The following SNX9 variants were observed in gnomAD, a reference collection of about 807,000 sequenced individuals.
The protein encoded by SNX9 is sorting nexin-9.
In SNX9, 44 loss-of-function variants were observed where a neutral mutation model predicts 89.4. The ratio of observed to expected loss-of-function variants is 0.49; its 90% CI spans 0.39 to 0.63. SNX9 has a LOEUF of 0.63. Among genes scored for constraint, SNX9 ranks in the 30% least tolerant of loss-of-function variants. The probability of loss-of-function intolerance (pLI) is 0.00; values close to 1 mark genes in which losing one functional copy is unlikely to be tolerated. For synonymous variants in SNX9, 236 were observed against 247.8 expected (o/e 0.95, Z 0.45); for missense variants, 578 against 736.1 (o/e 0.79, Z 2.49).
chr6:157,826,833 T>TATATATTATATTTTATATATAA lies in SNX9; in HGVS notation c.12+3393_12+3394insTATATTTTATATATAAATATAT, dbSNP rs1562585931. Reference sequence around the variant, plus strand: ...ATATATAAATATATATTATATTTTATATATATATTATATTTTATATATAAA... The same window carrying TATATATTATATTTTATATATAA: ...ATATATAAATATATATTATATTTTATATATATTATATTTTATATATAAATATATATTATATTTTATATATAAA... On this transcript the variant is annotated intron_variant, in intron 1 of 17. Transcript: ENST00000392185. Among the ~76,000 whole-genome samples, 140 of 111,486 alleles carry TATATATTATATTTTATATATAA rather than the reference T, an allele frequency of 1.3e-3. 32 individuals carry two copies. The highest frequency in any genetic ancestry group is 5.9e-3 in the African/African-American group (124 of 21,058). 73.1% of individuals were successfully genotyped at this position (111,486 alleles called of 152,430 possible). A position where few individuals can be genotyped will look rare whatever the true frequency, so the allele number is the denominator to read the frequency against.
chr6:157,936,311 A>G (rs1287656374), intron 14 of SNX9, among the ~76,000 whole-genome samples: 1 of 152,176 alleles, frequency 6.6e-6, no homozygotes, highest in Non-Finnish European at 1.5e-5. Context: ...GAATCTCTTG[A>G]GTCCAGGAGT....
At chr6:157,900,597 G>A (rs1783076805) in intron 5 of SNX9, among the ~76,000 whole-genome samples, 1 of 152,164 alleles carries the variant, frequency 6.6e-6, no homozygotes, top group African/African-American at 2.4e-5. Context: ...AGTTTAGTGA[G>A]GGCGGGGGTA....
At chr6:157,873,064 ATCTTTT>A (rs1782446774) in intron 2 of SNX9, 32 bp from the exon 3 acceptor site, 2 of 1,470,732 alleles carry the variant, frequency 1.4e-6, no homozygotes, top group Non-Finnish European at 1.8e-6. Context: ...CTCAACTGTA[ATCTTTT>A]TCTTTTTTTT....
chr6:157,882,337 C>A (rs573526413), intron 4 of SNX9, among the ~76,000 whole-genome samples: 2 of 152,194 alleles, frequency 1.3e-5, no homozygotes, highest in African/African-American at 2.4e-5. Context: ...ATTGACAATG[C>A]CCCTGGTCAC....
chr6:157,876,605 A>G (rs1042729941), intron 4 of SNX9, among the ~76,000 whole-genome samples: 5 of 152,242 alleles, frequency 3.3e-5, no homozygotes, highest in African/African-American at 1.2e-4. Flanking sequence ...AAGGTGATTG[A>G]TCACTGTAAT....
chr6:157,869,206 G>A (rs1034536584), intron 2 of SNX9, among the ~76,000 whole-genome samples: 4 of 152,146 alleles, frequency 2.6e-5, no homozygotes, highest in African/African-American at 4.8e-5. Context: ...TCTGCCTCAC[G>A]AGTGTTGGGG....
intron 1 of SNX9, among the ~76,000 whole-genome samples, chr6:157,862,183 T>C (rs999516751): frequency 1.3e-5 from 2 of 152,246 alleles, no homozygotes; most frequent in African/African-American, 4.8e-5. Flanking sequence ...GGACTACTTA[T>C]ATTGAAAAGC....
intron 9 of SNX9, among the ~76,000 whole-genome samples, chr6:157,918,206 T>C (rs954777987): frequency 2.0e-5 from 3 of 152,180 alleles, no homozygotes; most frequent in Non-Finnish European, 4.4e-5. Flanking sequence ...GTATCGGGTA[T>C]TGAAATTTAA....
At chr6:157,906,473 A>G (rs1783218324) in intron 7 of SNX9, among the ~76,000 whole-genome samples, 1 of 152,116 alleles carries the variant, frequency 6.6e-6, no homozygotes, top group Non-Finnish European at 1.5e-5. Context: ...TTTTTTCTAA[A>G]GTGTCTTGAA....
chr6:157,909,219 T>C (rs1783283441), intron 7 of SNX9, among the ~76,000 whole-genome samples: 1 of 152,204 alleles, frequency 6.6e-6, no homozygotes, highest in Non-Finnish European at 1.5e-5. Flanking sequence ...GTACAGTACA[T>C]GAGAATATTT....
At chr6:157,852,774 A>T (rs973198137) in intron 1 of SNX9, among the ~76,000 whole-genome samples, 1 of 152,102 alleles carries the variant, frequency 6.6e-6, no homozygotes, top group Non-Finnish European at 1.5e-5. Flanking sequence ...GGGTCTCTCC[A>T]CGGTGCCCTG....
chr6:157,855,120 A>T (rs143542981), intron 1 of SNX9, among the ~76,000 whole-genome samples: 353 of 152,254 alleles, frequency 2.3e-3, no homozygotes, highest in Non-Finnish European at 4.0e-3. Flanking sequence ...AAGCAAATGC[A>T]TGTACTGCAT....
At position 157,823,700 on chromosome 6, in the gene SNX9, G is replaced by C. The variant is rs563047834; in HGVS notation, c.12+254G>C. ...GTCTGGGCGCGGGTTGGGACCCCGG[G>C]CGCAGCGAGGTTTGGGAAGTTTGCA... On this transcript the variant is annotated intron_variant, in intron 1 of 17. Coordinates refer to ENST00000392185, the MANE Select transcript of SNX9 (RefSeq NM_016224.5). This position sits in a 1 kb window ranked among gnomAD's most constrained non-coding sequence, Gnocchi z 4.6. Among the ~76,000 whole-genome samples the C allele has an allele frequency of 6.6e-6, 1 of 151,968 alleles. No individual in the cohort carries two copies. Among genetic ancestry groups the C allele is most frequent in the Non-Finnish European group, 1.5e-5 (1 of 67,958 alleles).
chr6:157,926,195 T>A (rs1192484026), intron 10 of SNX9, among the ~76,000 whole-genome samples: 2 of 152,184 alleles, frequency 1.3e-5, no homozygotes, highest in African/African-American at 4.8e-5. Flanking sequence ...AGAGAGAGAT[T>A]ACCGGTTACC....
At chr6:157,882,735 C>T (rs1473797755) in intron 4 of SNX9, among the ~76,000 whole-genome samples, 4 of 152,216 alleles carry the variant, frequency 2.6e-5, no homozygotes, top group Non-Finnish European at 5.9e-5. Flanking sequence ...GAAGATGTGA[C>T]TGAATTTCTT....
rs1313492279 is a variant in SNX9, at chr6:157,860,478, A to G, written c.13-7069A>G. Among the ~76,000 whole-genome samples, 3 of 152,262 alleles carry G rather than the reference A, an allele frequency of 2.0e-5. No homozygotes were observed. In the East Asian group the frequency reaches 5.8e-4, roughly 29 times the overall value. On this transcript the variant is annotated intron_variant, in intron 1 of 17. Transcript: ENST00000392185. ...TTATGAAGTAAGGCACAGCACAGGC[A>G]GTCACACGTAGGTTTCAGAAGTATC...
rs9365617 is a variant in SNX9, at chr6:157,943,950, C to G, written c.*1112C>G. The G allele has an allele frequency of 0.046, 7,062 of 152,246 alleles. 204 individuals are homozygous for G. Among genetic ancestry groups the G allele is most frequent in the East Asian group, 0.12 (605 of 5,158 alleles). 9.4% of individuals were successfully genotyped at this position (152,246 alleles called of 1,614,324 possible). ...GAAGGGCTGCAGCCTCAGCAGTGTACAGAGTCCCCGGCGCTCTGAGGTTGG... is the reference window on the plus strand; with the variant it reads ...GAAGGGCTGCAGCCTCAGCAGTGTAGAGAGTCCCCGGCGCTCTGAGGTTGG... On this transcript the variant is annotated 3_prime_UTR_variant, in exon 18 of 18. Transcript: ENST00000392185.
At chr6:157,847,824 ACAG>A (rs956743334) in intron 1 of SNX9, among the ~76,000 whole-genome samples, 3 of 152,216 alleles carry the variant, frequency 2.0e-5, no homozygotes, top group Non-Finnish European at 2.9e-5. Flanking sequence ...TTGCACAAAA[ACAG>A]CAGCAGGGAA....
intron 1 of SNX9, among the ~76,000 whole-genome samples, chr6:157,828,955 C>T (rs539221809): frequency 2.9e-3 from 437 of 152,208 alleles, no homozygotes; most frequent in Admixed American, 7.2e-3. Flanking sequence ...TTTGTGATCA[C>T]TTTTGTATCT....
Sources: gnomAD v4.1 joint callset for allele counts (sites outside exome capture counted in the v4.1 genomes callset) on GRCh38, gnomAD v4.1.1 for gene constraint, Gnocchi (gnomAD v3.1) non-coding constraint, MANE v1.5 for transcripts, NCBI Gene and HGNC (gene_info 2026-07-23, HGNC 2026-07-21) for gene names.